The following LPP variants were observed in gnomAD, a reference collection of about 807,000 sequenced individuals.
LPP encodes the protein LIM domain containing preferred translocation partner in lipoma.
A neutral mutation model predicts 60.4 loss-of-function variants in LPP; 38 were observed. The ratio of observed to expected loss-of-function variants is 0.63; its 90% CI spans 0.49 to 0.83. LPP has a LOEUF of 0.83. Among genes scored for constraint, LPP ranks in the 40% least tolerant of loss-of-function variants. The pLI is 0.00. For missense variants in LPP, 902 were observed against 783.6 expected (o/e 1.15, Z -1.80); for synonymous variants, 328 against 290.8 (o/e 1.13, Z -1.30).
Position 188,888,795 on chromosome 3 carries a change from C to G in LPP, c.*14316C>G, listed in dbSNP as rs1239316032. ...CTCACTTCCAATATCCCCTCTCAAG[C>G]GGCTACCGTGAAACGGGCTGCAAAC... On this transcript the variant is annotated 3_prime_UTR_variant, in exon 12 of 12. Transcript: ENST00000617246. 4.5e-6 allele frequency: 1 copy of G among 220,490 alleles called. No individual in the cohort carries two copies. The highest frequency in any genetic ancestry group is 2.2e-5 in the African/African-American group (1 of 44,584). 13.7% of individuals were successfully genotyped at this position (220,490 alleles called of 1,614,324 possible). A position where few individuals can be genotyped will look rare whatever the true frequency, so the allele number is the denominator to read the frequency against.
intron 6 of LPP, among the ~76,000 whole-genome samples, chr3:188,535,148 G>T (rs1029695659): frequency 6.6e-6 from 1 of 152,122 alleles, no homozygotes; most frequent in Non-Finnish European, 1.5e-5. Flanking sequence ...TCTGCTTTGG[G>T]TCCTGCACTC....
At chr3:188,851,192 T>C (rs1762599606) in intron 9 of LPP, among the ~76,000 whole-genome samples, 1 of 152,234 alleles carries the variant, frequency 6.6e-6, no homozygotes, top group Admixed American at 6.5e-5. Flanking sequence ...ATCAGATTGA[T>C]TGGGGAAAAT....
At chr3:188,296,190 G>A (rs1747821102) in intron 2 of LPP, among the ~76,000 whole-genome samples, 1 of 152,208 alleles carries the variant, frequency 6.6e-6, no homozygotes, top group Admixed American at 6.5e-5. Flanking sequence ...AGGATGAGAA[G>A]GAGGATTTGG....
At chr3:188,336,629 T>G (rs1176806483) in intron 2 of LPP, among the ~76,000 whole-genome samples, 6 of 152,114 alleles carry the variant, frequency 3.9e-5, no homozygotes, top group Non-Finnish European at 8.8e-5. Context: ...CAGCTGTTAC[T>G]TGTGCCCTGA....
chr3:188,627,713 A>G (rs1228423490), intron 7 of LPP, among the ~76,000 whole-genome samples: 1 of 152,118 alleles, frequency 6.6e-6, no homozygotes, highest in Non-Finnish European at 1.5e-5. Flanking sequence ...AGAGATCACT[A>G]AAGCAGAAAA....
rs955064809 is a variant in LPP at position 188,352,218 on chromosome 3, A to C, written c.-10+10499A>C. Among the ~76,000 whole-genome samples, 3 of 152,212 alleles carry C rather than the reference A, an allele frequency of 2.0e-5. No individual in the cohort carries two copies. Among genetic ancestry groups the C allele is most frequent in the Admixed American group, 2.0e-4 (3 of 15,282 alleles). On this transcript the variant is annotated intron_variant, in intron 3 of 11. Transcript: ENST00000617246. The surrounding 1 kb of genome is among the most constrained non-coding windows in gnomAD (Gnocchi z 4.4). ...TACACAAATCTGTTAAATACACAAT[A>C]AAAATAGCTTATGATCTATGGGACT... is the stretch of plus-strand genomic sequence containing the variant.
chr3:188,856,509 G>A (rs74702496), intron 9 of LPP, among the ~76,000 whole-genome samples: 9,228 of 152,160 alleles, frequency 0.061, 299 homozygotes, highest in African/African-American at 0.085. Flanking sequence ...TCTCTCCAGC[G>A]AAAAGAGCTT....
intron 7 of LPP, chr3:188,688,683 T>A (rs894817105): frequency 4.6e-6 from 2 of 433,680 alleles, no homozygotes; most frequent in Non-Finnish European, 9.2e-6. Context: ...AAGGGCAACA[T>A]CTAAATATGG....
intron 3 of LPP, among the ~76,000 whole-genome samples, chr3:188,379,027 C>T (rs570705557): frequency 6.6e-5 from 10 of 151,528 alleles, no homozygotes; most frequent in African/African-American, 1.9e-4. Flanking sequence ...AGGGCAGGAG[C>T]GCAAGTGGGG....
At chr3:188,700,884 TATGGGCACAA>T (rs1416603768) in intron 7 of LPP, among the ~76,000 whole-genome samples, 1 of 152,158 alleles carries the variant, frequency 6.6e-6, no homozygotes, top group Non-Finnish European at 1.5e-5. Context: ...TCTTGCATAC[TATGGGCACAA>T]ATGGGCACAA....
chr3:188,357,622 A>T lies in LPP; in HGVS notation c.-10+15903A>T, dbSNP rs1767996867. Among the ~76,000 whole-genome samples the T allele has an allele frequency of 3.9e-5, 6 of 152,298 alleles. No homozygotes were observed. The South Asian group carries it at 1.2e-3, about 32-fold the overall frequency. The stretch of plus-strand genomic sequence containing the variant: ...ACAAGATATTTATCCAAAATTCTGG[A>T]GTGGTTCCTTGTTCATTCTCTGAAG... On this transcript the variant is annotated intron_variant, in intron 3 of 11. Coordinates refer to ENST00000617246, the MANE Select transcript of LPP (RefSeq NM_001375462.1).
chr3:188,868,807 T>C (rs894322333), intron 10 of LPP, among the ~76,000 whole-genome samples: 3 of 152,204 alleles, frequency 2.0e-5, no homozygotes, highest in African/African-American at 7.2e-5. Flanking sequence ...GTTAATTCAG[T>C]TCAACTCACA....
At chr3:188,599,815 G>A (rs1459727087) in intron 6 of LPP, among the ~76,000 whole-genome samples, 1 of 141,850 alleles carries the variant, frequency 7.0e-6, no homozygotes, top group Non-Finnish European at 1.5e-5. Context: ...TGTTCATTGA[G>A]GACTAAAAAT....
intron 9 of LPP, among the ~76,000 whole-genome samples, chr3:188,821,643 A>G (rs1169444759): frequency 6.6e-6 from 1 of 152,130 alleles, no homozygotes; most frequent in African/African-American, 2.4e-5. Flanking sequence ...TATATATTAG[A>G]CACAATTTAC....
intron 5 of LPP, among the ~76,000 whole-genome samples, chr3:188,500,123 T>G (rs936077278): frequency 2.6e-5 from 4 of 152,082 alleles, no homozygotes; most frequent in Non-Finnish European, 5.9e-5. Context: ...ATTACTCTGA[T>G]GAGGACTTCC....
chr3:188,719,171 T>C (rs1411337492), intron 8 of LPP, among the ~76,000 whole-genome samples: 1 of 152,236 alleles, frequency 6.6e-6, no homozygotes, highest in Non-Finnish European at 1.5e-5. Flanking sequence ...GATTTTATTT[T>C]TTAAGTACTG....
intron 6 of LPP, chr3:188,562,283 T>C (rs1450223921): frequency 1.3e-5 from 2 of 152,036 alleles, no homozygotes; most frequent in African/African-American, 4.8e-5. Context: ...CATTTTCAGT[T>C]TAACAGTTTA....
chr3:188,327,003 A>G (rs2150450747), intron 2 of LPP, among the ~76,000 whole-genome samples: 1 of 152,332 alleles, frequency 6.6e-6, no homozygotes, highest in Middle Eastern at 3.4e-3. Flanking sequence ...TTATTCAAGA[A>G]TGTAGATTAA....
Position 188,609,009 on chromosome 3 carries a change from A to C in LPP, c.430-152A>C. On this transcript the variant is annotated intron_variant, in intron 6 of 11. Coordinates refer to ENST00000617246, the MANE Select transcript of LPP (RefSeq NM_001375462.1). The surrounding 1 kb of genome is among the most constrained non-coding windows in gnomAD (Gnocchi z 6.9). ...CTGATTTTTGTGTTCATCTGTGAAC[A>C]CTTTGAAGGCAAGATTATGCCTTAT... is the stretch of plus-strand genomic sequence containing the variant. 1 of 652,404 alleles carries C rather than the reference A, an allele frequency of 1.5e-6. No homozygotes were observed. The highest frequency in any genetic ancestry group is 1.8e-5 in the African/African-American group (1 of 54,672). The allele number at this position is 652,404 out of a possible 1,614,324, so 40.4% of individuals were successfully genotyped here.
Sources: gnomAD v4.1 joint callset for allele counts (sites outside exome capture counted in the v4.1 genomes callset) on GRCh38, gnomAD v4.1.1 for gene constraint, Gnocchi (gnomAD v3.1) non-coding constraint, MANE v1.5 for transcripts, NCBI Gene and HGNC (gene_info 2026-07-23, HGNC 2026-07-21) for gene names.